DLEC1: variants seen among roughly 807,000 people sequenced by gnomAD.
The protein encoded by DLEC1 is DLEC1 cilia and flagella associated protein, also known as deleted in lung and esophageal cancer protein 1.
DLEC1 carries 146 observed loss-of-function variants against 198.1 expected under a neutral mutation model. That is an observed-to-expected ratio of 0.74 (90% CI 0.64 to 0.85). The LOEUF is 0.85. DLEC1 is among the 40% of genes least tolerant of loss of function. The probability of loss-of-function intolerance (pLI) is 0.00; values close to 1 mark genes in which losing one functional copy is unlikely to be tolerated. For missense variants in DLEC1, 2,233 were observed against 2,220.0 expected (o/e 1.01, Z -0.12); for synonymous variants, 897 against 866.8 (o/e 1.03, Z -0.61).
At chr3:38,097,117 T>G in intron 15 of DLEC1, 65 bp from the exon 16 acceptor site, 2 of 1,409,238 alleles carry the variant, frequency 1.4e-6, no homozygotes, top group Non-Finnish European at 2.0e-6. Context: ...CTACAGTCCT[T>G]CAGCAGGTAC....
chr3:38,050,067 G>A (rs1469098276), intron 2 of DLEC1, among the ~76,000 whole-genome samples: 1 of 151,872 alleles, frequency 6.6e-6, no homozygotes, highest in Non-Finnish European at 1.5e-5. Context: ...ACAACTTCCA[G>A]ATAACTTTTT....
chr3:38,086,468 G>T, intron 9 of DLEC1, 91 bp downstream of exon 9: 19 of 1,485,268 alleles, frequency 1.3e-5, no homozygotes, highest in Non-Finnish European at 1.7e-5. Context: ...ACCTATGATT[G>T]GAAACACACA....
chr3:38,103,502 A>T (rs1187405443), intron 19 of DLEC1: 1 of 152,212 alleles, frequency 6.6e-6, no homozygotes, highest in East Asian at 1.9e-4. Context: ...TGTTTGCATA[A>T]CATTTTATTT....
rs147785839 is a variant in DLEC1, at chr3:38,052,123, T to G, written c.562+6430T>G. 3,273 of 361,500 alleles carry G rather than the reference T, an allele frequency of 9.1e-3. 49 individuals are homozygous for G. Among genetic ancestry groups the G allele is most frequent in the Non-Finnish European group, 0.012 (2,056 of 178,670 alleles). 22.4% of individuals were successfully genotyped at this position (361,500 alleles called of 1,614,324 possible). ...AAGCAGCATGGGCTCCTCGACCCTG[T>G]GCAACAGACACTCCAAGTTTTTTGA... On this transcript the variant is annotated intron_variant, in intron 2 of 36. Transcript: ENST00000308059.
At chr3:38,088,419 T>G (rs947193278) in intron 10 of DLEC1, 31 bp downstream of exon 10, 1 of 1,585,436 alleles carries the variant, frequency 6.3e-7, no homozygotes, top group South Asian at 1.1e-5. Flanking sequence ...ATGTATTTCC[T>G]CAACTGCTTG....
chr3:38,079,477 C>T (rs1053618191), intron 6 of DLEC1, among the ~76,000 whole-genome samples: 1 of 152,140 alleles, frequency 6.6e-6, no homozygotes, highest in Non-Finnish European at 1.5e-5. Flanking sequence ...GTGAGAGTTA[C>T]CCAAAGCTCG....
In DLEC1 at chr3:38,117,228, GA is replaced by G; in HGVS notation, c.4328del (p.Lys1443ArgfsTer13). 2.5e-6 allele frequency: 4 copies of G among 1,614,162 alleles called. No individual in the cohort carries two copies. Among genetic ancestry groups the G allele is most frequent in the Non-Finnish European group, 3.4e-6 (4 of 1,180,002 alleles). ...DSKVEREIPG[K>X]RHRLQDFAVG... ...AGTAGGTGGAAAGGGAGATTCCAGG[GA>G]AGAGGCATCGCCTGCAGGACTTTGC... On this transcript the variant is annotated frameshift_variant, in exon 31 of 37. Transcript: ENST00000308059. LOFTEE classifies it high-confidence loss of function.
At chr3:38,048,875 C>T (rs1262363238) in intron 2 of DLEC1, among the ~76,000 whole-genome samples, 1 of 152,180 alleles carries the variant, frequency 6.6e-6, no homozygotes, top group Non-Finnish European at 1.5e-5. Flanking sequence ...TCCCCCTCCA[C>T]CACAGCACAG....
intron 1 of DLEC1, among the ~76,000 whole-genome samples, chr3:38,040,538 C>T (rs1477985098): frequency 6.6e-6 from 1 of 152,192 alleles, no homozygotes; most frequent in African/African-American, 2.4e-5. Flanking sequence ...GGGTTATAGG[C>T]TTCTTAAAGT....
intron 15 of DLEC1, 84 bp from the exon 16 acceptor site, chr3:38,097,098 C>A: frequency 7.7e-7 from 1 of 1,296,628 alleles, no homozygotes; most frequent in Non-Finnish European, 1.1e-6. Context: ...TCTTTACGAG[C>A]CCACAATCCT....
At position 38,045,686 on chromosome 3, in the gene DLEC1, G is replaced by A. The variant is rs1226587457; in HGVS notation, c.555G>A (p.Leu185=). The part of the protein sequence containing the change: ...GVQDLESLVR[L]PPVKSVSRWC... ...AGGACCTCGAGAGCCTTGTCAGGTT[G>A]CCTCCAGGTGTGTATAAAGAACTCC... is the stretch of plus-strand genomic sequence containing the variant. Residue 185 remains leucine, a synonymous_variant, in exon 2 of 37, where the codon TTG becomes TTA. Transcript: ENST00000308059. The A allele has an allele frequency of 6.2e-7, 1 of 1,610,774 alleles. No individual in the cohort carries two copies. The highest frequency in any genetic ancestry group is 8.5e-7 in the Non-Finnish European group (1 of 1,178,868).
In DLEC1 at chr3:38,092,830, CCTT is replaced by C. The variant is rs762796745; in HGVS notation, c.1708_1710del (p.Phe570del). ...AAGAGCCTAGGAAAGGCAGAGCAGA[CCTT>C]CATCATCATGTGCGACAACTGCCAG... On this transcript the variant is annotated inframe_deletion, in exon 11 of 37. Coordinates refer to ENST00000308059, the MANE Select transcript of DLEC1 (RefSeq NM_007335.4). 1.5e-4 allele frequency: 242 copies of C among 1,614,044 alleles called. No individual in the cohort carries two copies. The highest frequency in any genetic ancestry group is 1.8e-4 in the Non-Finnish European group (217 of 1,180,042).
rs371701104 is a variant in DLEC1, at chr3:38,113,194, A to G, written c.3666+833A>G. Among the ~76,000 whole-genome samples, 10 of 152,308 alleles carry G rather than the reference A, an allele frequency of 6.6e-5. No individual in the cohort carries two copies. The East Asian group carries it at 1.3e-3, about 21-fold the overall frequency. ...ACCACTGATAATTAAAGAAATGCAA[A>G]ATAAAAGAGCCACAAAATACTGGTT... is the stretch of plus-strand genomic sequence containing the variant. On this transcript the variant is annotated intron_variant, in intron 25 of 36. Coordinates refer to ENST00000308059, the MANE Select transcript of DLEC1 (RefSeq NM_007335.4).
chr3:38,109,810 A>AG, intron 22 of DLEC1: 1 of 729,862 alleles, frequency 1.4e-6, no homozygotes, highest in Non-Finnish European at 2.2e-6. Flanking sequence ...AGGAGATGGC[A>AG]GGGGACAGGG....
intron 2 of DLEC1, chr3:38,052,397 A>T (rs1481621815): frequency 7.5e-6 from 2 of 265,160 alleles, no homozygotes; most frequent in Admixed American, 8.3e-5. Flanking sequence ...AATGGTTCGG[A>T]TAGGTGCATA....
At chr3:38,110,989 C>T (rs1419189904) in intron 23 of DLEC1, among the ~76,000 whole-genome samples, 1 of 152,162 alleles carries the variant, frequency 6.6e-6, no homozygotes, top group African/African-American at 2.4e-5. Context: ...CATATACACA[C>T]ACACCCACAT....
At chr3:38,062,084 C>A in intron 3 of DLEC1, 85 bp from the exon 4 acceptor site, 3 of 1,383,414 alleles carry the variant, frequency 2.2e-6, no homozygotes, top group Non-Finnish European at 3.1e-6. Context: ...CTAACTGTGG[C>A]TTTGGTGGTT....
At chr3:38,071,126 T>A (rs1169105536) in intron 6 of DLEC1, among the ~76,000 whole-genome samples, 1 of 151,976 alleles carries the variant, frequency 6.6e-6, no homozygotes, top group Admixed American at 6.6e-5. Context: ...TTGTGGTAAG[T>A]GGTGATATCG....
rs2125729764 is a variant in DLEC1, at chr3:38,112,222, G to A, written c.3527G>A (p.Ser1176Asn). 2 of 1,614,192 alleles carry A rather than the reference G, an allele frequency of 1.2e-6. No homozygotes were observed. Among genetic ancestry groups the A allele is most frequent in the Admixed American group, 3.3e-5 (2 of 60,026 alleles). Residue 1176 changes from serine (S) to asparagine (N), a missense_variant, in exon 25 of 37, where the codon AGC becomes AAC. Coordinates refer to ENST00000308059, the MANE Select transcript of DLEC1 (RefSeq NM_007335.4). This position sits in a 1 kb window ranked among gnomAD's most constrained non-coding sequence, Gnocchi z 4.8. ...AKREQLDFME[S>N]MLSHGKGAAF... ...GGTTCTTTCCCAGATTTTATGGAGA[G>A]CATGCTATCCCACGGGAAAGGAGCT...
Sources: allele counts gnomAD v4.1 joint callset (sites outside exome capture counted in the v4.1 genomes callset), GRCh38; gene constraint gnomAD v4.1.1; non-coding constraint Gnocchi (gnomAD v3.1); transcripts MANE v1.5; gene names NCBI Gene and HGNC (gene_info 2026-07-23, HGNC 2026-07-21).